The following PKIB variants were observed in gnomAD, a reference collection of about 807,000 sequenced individuals.
PKIB encodes cAMP-dependent protein kinase inhibitor beta.
Under a neutral mutation model 4.5 loss-of-function variants are expected in PKIB, and 2 were observed. The observed-to-expected ratio is 0.44, with a 90% confidence interval of 0.18 to 1.39. The LOEUF (loss-of-function observed/expected upper bound fraction) is 1.39, where lower values mean the gene tolerates loss of function less well. PKIB is among the 40% of genes most tolerant of loss of function. The pLI is 0.27. For synonymous variants in PKIB, 38 were observed against 36.0 expected, an observed-to-expected ratio of 1.06 and a Z score of -0.20; for missense variants, 94 against 92.6, an observed-to-expected ratio of 1.02 and a Z score of -0.06.
intron 2 of PKIB, chr6:122,478,671 C>A (rs879090871): frequency 2.0e-5 from 3 of 152,068 alleles, no homozygotes; most frequent in Non-Finnish European, 4.4e-5. Context: ...CTTTCACATA[C>A]AAATGGAGTC....
chr6:122,511,279 G>T (rs1776576783), intron 2 of PKIB, among the ~76,000 whole-genome samples: 1 of 152,042 alleles, frequency 6.6e-6, no homozygotes, highest in Admixed American at 6.5e-5. Context: ...GCACAAAATT[G>T]TTCCACAGCA....
chr6:122,508,323 A>C (rs754726213), intron 2 of PKIB, among the ~76,000 whole-genome samples: 9 of 152,184 alleles, frequency 5.9e-5, no homozygotes, highest in Non-Finnish European at 1.2e-4. Flanking sequence ...TGTTTGTCAG[A>C]TTATGTTAGG....
At chr6:122,519,776 A>G (rs1025343600) in intron 2 of PKIB, among the ~76,000 whole-genome samples, 2 of 152,212 alleles carry the variant, frequency 1.3e-5, no homozygotes, top group Admixed American at 6.5e-5. Flanking sequence ...GAGTGACAGC[A>G]TAATAAATGT....
At chr6:122,594,803 G>T (rs1274756018) in intron 3 of PKIB, among the ~76,000 whole-genome samples, 1 of 152,116 alleles carries the variant, frequency 6.6e-6, no homozygotes, top group Non-Finnish European at 1.5e-5. Context: ...TAATAGCAGG[G>T]CATGGTAATA....
rs147830727 is a variant in PKIB, at chr6:122,634,811, G to A, written c.-76+1444G>A. ...AAAAAAATTAGCCGGGTGTGATGGCGGGCGCCTGTATTCCCAGCTACTCAG... is the reference window on the plus strand; with the variant it reads ...AAAAAAATTAGCCGGGTGTGATGGCAGGCGCCTGTATTCCCAGCTACTCAG... On this transcript the variant is annotated intron_variant, in intron 2 of 4. Transcript: ENST00000368452. Among the ~76,000 whole-genome samples, 1,427 of 151,894 alleles carry A rather than the reference G, an allele frequency of 9.4e-3. 28 individuals carry two copies. The highest frequency in any genetic ancestry group is 0.032 in the African/African-American group (1,329 of 41,436).
At chr6:122,570,957 G>C (rs965823775) in intron 2 of PKIB, among the ~76,000 whole-genome samples, 1 of 151,766 alleles carries the variant, frequency 6.6e-6, no homozygotes, top group Non-Finnish European at 1.5e-5. Context: ...AGCTACTCTA[G>C]GAAATAACCA....
chr6:122,570,724 G>GA (rs1242559117), intron 2 of PKIB, among the ~76,000 whole-genome samples: 1 of 151,434 alleles, frequency 6.6e-6, no homozygotes, highest in Admixed American at 6.6e-5. Flanking sequence ...TCCTAAGAGG[G>GA]AAAAAAAGAA....
At chr6:122,665,710 C>A (rs1032473015) in intron 2 of PKIB, among the ~76,000 whole-genome samples, 1 of 152,044 alleles carries the variant, frequency 6.6e-6, no homozygotes, top group South Asian at 2.1e-4. Flanking sequence ...GAAAAAAAAA[C>A]TGAAAATGCA....
chr6:122,678,293 C>A (rs961346139), intron 3 of PKIB, among the ~76,000 whole-genome samples: 2 of 152,190 alleles, frequency 1.3e-5, no homozygotes, highest in Non-Finnish European at 2.9e-5. Context: ...AATTCCAGTT[C>A]TCTGTCCTGA....
At chr6:122,547,018 G>T (rs1360773597) in intron 2 of PKIB, among the ~76,000 whole-genome samples, 1 of 152,074 alleles carries the variant, frequency 6.6e-6, no homozygotes, top group Non-Finnish European at 1.5e-5. Flanking sequence ...ACCCATACAG[G>T]TCAGCTTTAG....
chr6:122,517,988 C>T (rs2114593705), intron 2 of PKIB, among the ~76,000 whole-genome samples: 1 of 152,294 alleles, frequency 6.6e-6, no homozygotes, highest in Non-Finnish European at 1.5e-5. Flanking sequence ...ATATTTGCTT[C>T]AGCCTCAAAG....
chr6:122,606,310 C>T (rs1262776560), upstream of PKIB, among the ~76,000 whole-genome samples: 3 of 152,258 alleles, frequency 2.0e-5, no homozygotes, highest in East Asian at 1.9e-4. Context: ...TGGTGGCCCA[C>T]GCCTGTAATC....
intron 2 of PKIB, among the ~76,000 whole-genome samples, chr6:122,513,030 A>C (rs1401526661): frequency 6.6e-6 from 1 of 152,196 alleles, no homozygotes; most frequent in Admixed American, 6.5e-5. Flanking sequence ...TGTCTCACAG[A>C]CACTTTAACC....
intron 2 of PKIB, among the ~76,000 whole-genome samples, chr6:122,540,232 G>A (rs1447766493): frequency 6.6e-6 from 1 of 151,890 alleles, no homozygotes; most frequent in East Asian, 1.9e-4. Flanking sequence ...GCTTTTGAAT[G>A]TGTTTGCTCT....
intron 2 of PKIB, among the ~76,000 whole-genome samples, chr6:122,578,530 C>A (rs1263099987): frequency 6.6e-6 from 1 of 152,010 alleles, no homozygotes; most frequent in African/African-American, 2.4e-5. Context: ...CTTTTCAATT[C>A]CCTATATTAA....
At chr6:122,496,837 C>G (rs1221197514) in intron 2 of PKIB, among the ~76,000 whole-genome samples, 1 of 152,086 alleles carries the variant, frequency 6.6e-6, no homozygotes, top group East Asian at 1.9e-4. Flanking sequence ...CCTAATCTTG[C>G]TAGAGATTTC....
chr6:122,667,285 G>A (rs941090899), intron 2 of PKIB, among the ~76,000 whole-genome samples: 1 of 152,146 alleles, frequency 6.6e-6, no homozygotes, highest in African/African-American at 2.4e-5. Flanking sequence ...TCGGCCAGGC[G>A]CCGTGGCTCA....
chr6:122,678,600 A>C (rs1184129286), intron 3 of PKIB, among the ~76,000 whole-genome samples: 1 of 152,168 alleles, frequency 6.6e-6, no homozygotes, highest in African/African-American at 2.4e-5. Flanking sequence ...ACAAATACTC[A>C]GTGCTTCTCT....
At chr6:122,688,843 C>G (rs369782659) in intron 3 of PKIB, among the ~76,000 whole-genome samples, 2 of 150,122 alleles carry the variant, frequency 1.3e-5, no homozygotes, top group East Asian at 3.9e-4. Flanking sequence ...TGCAGTGGCG[C>G]GATCTCGGCT....
Sources: gnomAD v4.1 joint callset for allele counts (sites outside exome capture counted in the v4.1 genomes callset) on GRCh38, gnomAD v4.1.1 for gene constraint, MANE v1.5 for transcripts, NCBI Gene and HGNC (gene_info 2026-07-23, HGNC 2026-07-21) for gene names.